Variants in DCK observed in about 807,000 individuals in gnomAD.
The protein encoded by DCK is deoxycytidine kinase, also known as deoxyadenosine kinase.
DCK carries 23 observed loss-of-function variants against 38.3 expected under a neutral mutation model. The ratio of observed to expected loss-of-function variants is 0.60; its 90% CI spans 0.43 to 0.85. DCK has a LOEUF of 0.85. DCK is among the 40% of genes least tolerant of loss of function. The pLI is 0.00. For missense variants in DCK, 259 were observed against 304.4 expected, an observed-to-expected ratio of 0.85 and a Z score of 1.11; for synonymous variants, 108 against 100.6, an observed-to-expected ratio of 1.07 and a Z score of -0.44.
At chr4:71,028,918 C>T (rs112687550) in intron 6 of DCK, among the ~76,000 whole-genome samples, 2 of 152,302 alleles carry the variant, frequency 1.3e-5, no homozygotes, top group South Asian at 2.1e-4. Flanking sequence ...CCACTATGCC[C>T]GGCTAATTTT....
intron 2 of DCK, among the ~76,000 whole-genome samples, chr4:71,008,925 A>G (rs984914366): frequency 6.6e-6 from 1 of 152,342 alleles, no homozygotes; most frequent in Non-Finnish European, 1.5e-5. Context: ...GTTTGAACAC[A>G]TGGAGATAGA....
intron 1 of DCK, among the ~76,000 whole-genome samples, chr4:70,997,730 G>A (rs1052652624): frequency 6.6e-6 from 1 of 152,136 alleles, no homozygotes; most frequent in African/African-American, 2.4e-5. Context: ...AGAACATTAT[G>A]CTAACCAGAG....
intron 2 of DCK, among the ~76,000 whole-genome samples, chr4:71,000,989 A>G (rs1739788259): frequency 6.6e-6 from 1 of 152,166 alleles, no homozygotes; most frequent in South Asian, 2.1e-4. Context: ...CCCTCTTCCT[A>G]TCTGAATCCC....
intron 1 of DCK, among the ~76,000 whole-genome samples, chr4:70,994,479 G>A (rs1389263983): frequency 6.6e-6 from 1 of 152,116 alleles, no homozygotes; most frequent in African/African-American, 2.4e-5. Flanking sequence ...GGAATCATAG[G>A]CTATATCGCC....
chr4:71,004,535 T>G (rs138035583), intron 2 of DCK, among the ~76,000 whole-genome samples: 2,002 of 152,304 alleles, frequency 0.013, 90 homozygotes, highest in Non-Finnish European at 9.5e-3. Flanking sequence ...CAGGATTGTT[T>G]AAGTCTGCTG....
Position 70,993,795 on chromosome 4 carries a change from C to T in DCK, c.-41C>T, listed in dbSNP as rs1215711352. On this transcript the variant is annotated 5_prime_UTR_variant, in exon 1 of 7. Transcript: ENST00000286648. The stretch of plus-strand genomic sequence containing the variant: ...GCGCACCCGTGGCCGCCTCCCAGCC[C>T]TCTTTGCCGGACGAGCTCTGGGCCG... 1 of 1,489,378 alleles carries T rather than the reference C, an allele frequency of 6.7e-7. No homozygotes were observed. Among genetic ancestry groups the T allele is most frequent in the Admixed American group, 1.7e-5 (1 of 57,450 alleles). 92.3% of individuals were successfully genotyped at this position (1,489,378 alleles called of 1,614,324 possible).
chr4:71,022,400 G>C lies in DCK; in HGVS notation c.241G>C (p.Val81Leu), dbSNP rs561345538. 2 of 1,546,632 alleles carry C rather than the reference G, an allele frequency of 1.3e-6. No homozygotes were observed. The highest frequency in any genetic ancestry group is 1.7e-6 in the Non-Finnish European group (2 of 1,149,786). Residue 81 changes from valine to leucine, a missense_variant, in exon 3 of 7, where the codon GTT becomes CTT. Around this residue, in one of 3 missense-constraint regions of DCK, gnomAD observed 159 missense variants for 159.0 expected, o/e 1.00. Coordinates refer to ENST00000286648, the MANE Select transcript of DCK (RefSeq NM_000788.3). The part of the protein sequence containing the change: ...LTMSQKNGGN[V>L]LQMMYEKPER... ...AATGTCTCAGAAAAATGGTGGGAAT[G>C]TTCTTCAGATGATGTATGAGAAACC...
At chr4:70,999,669 C>G (rs1457656731) in intron 2 of DCK, among the ~76,000 whole-genome samples, 1 of 152,224 alleles carries the variant, frequency 6.6e-6, no homozygotes, top group East Asian at 1.9e-4. Context: ...TTCTCCACAT[C>G]CTCTCCAGCA....
rs149874569 is a variant in DCK at position 70,997,519 on chromosome 4, A to T, written c.92-548A>T. Among the ~76,000 whole-genome samples, 30 of 152,236 alleles carry T rather than the reference A, an allele frequency of 2.0e-4. 1 individual carries two copies. Among genetic ancestry groups the T allele is most frequent in the African/African-American group, 7.0e-4 (29 of 41,552 alleles). On this transcript the variant is annotated intron_variant, in intron 1 of 6. Transcript: ENST00000286648. ...GTTTTTTCTCTGTGTGTAATTCTTT[A>T]AAGTTCTTCCAGGTTTTTCTTCTTT...
chr4:71,007,313 A>G (rs1739970666), intron 2 of DCK, among the ~76,000 whole-genome samples: 1 of 152,236 alleles, frequency 6.6e-6, no homozygotes, highest in African/African-American at 2.4e-5. Context: ...ATATATCTGT[A>G]GAAAAGTAGG....
rs529238650 is a variant in DCK at position 71,020,076 on chromosome 4, C to G, written c.208-2291C>G. Among the ~76,000 whole-genome samples, 205 of 152,370 alleles carry G rather than the reference C, an allele frequency of 1.3e-3. 2 individuals are homozygous for G. The highest frequency in any genetic ancestry group is 4.7e-3 in the African/African-American group (196 of 41,584). On this transcript the variant is annotated intron_variant, in intron 2 of 6. Coordinates refer to ENST00000286648, the MANE Select transcript of DCK (RefSeq NM_000788.3). ...GTGTTGGGATTACAGGCGTGAACCA[C>G]TGGGCCTGCCCTTGATATGCCTTTT...
chr4:71,023,846 A>T, intron 4 of DCK, 140 bp downstream of exon 4: 1 of 676,768 alleles, frequency 1.5e-6, no homozygotes, highest in Non-Finnish European at 2.3e-6. Flanking sequence ...AGAAACTTGT[A>T]ACTGTGTAGA....
rs2148919312 is a variant in DCK, at chr4:71,023,574, T to C, written c.417T>C (p.Ser139=). 6.3e-7 allele frequency: 1 copy of C among 1,595,970 alleles called. No individual in the cohort carries two copies. The highest frequency in any genetic ancestry group is 2.2e-5 in the East Asian group (1 of 44,590). The change falls in exon 4 of 7, where the codon TCT becomes TCC. Residue 139 remains serine (S), a synonymous_variant. Coordinates refer to ENST00000286648, the MANE Select transcript of DCK (RefSeq NM_000788.3). ...TCTCTTTTAGGTATATTTTTGCATC[T>C]AATTTGTATGAATCTGAATGCATGA... The part of the protein sequence containing the change: ...SVYSDRYIFA[S]NLYESECMNE...
chr4:71,011,806 C>T (rs1740096830), intron 2 of DCK, among the ~76,000 whole-genome samples: 1 of 152,190 alleles, frequency 6.6e-6, no homozygotes, highest in Non-Finnish European at 1.5e-5. Context: ...CTATTTTTCA[C>T]TTACCTTGAC....
At position 71,030,629 on chromosome 4, in the gene DCK, TTTC is replaced by T. The variant is rs1740668347; in HGVS notation, c.*1254_*1256del. 6.6e-6 allele frequency: 1 copy of T among 152,144 alleles called. No individual in the cohort carries two copies. Among genetic ancestry groups the T allele is most frequent in the South Asian group, 2.1e-4 (1 of 4,830 alleles). 9.4% of individuals were successfully genotyped at this position (152,144 alleles called of 1,614,324 possible). On this transcript the variant is annotated 3_prime_UTR_variant, in exon 7 of 7. Coordinates refer to ENST00000286648, the MANE Select transcript of DCK (RefSeq NM_000788.3). Reference sequence around the variant, plus strand: ...TATAAATTAATTTGTTAATTAAATATTTCTTAAGTATAAACCTTATGAACTACA... The same window carrying T: ...TATAAATTAATTTGTTAATTAAATATTTAAGTATAAACCTTATGAACTACA...
chr4:71,023,805 C>T (rs1030647628), intron 4 of DCK, 99 bp downstream of exon 4: 67 of 998,176 alleles, frequency 6.7e-5, no homozygotes, highest in Non-Finnish European at 8.9e-5. Flanking sequence ...TAACTCCAGC[C>T]TCCCAACCTC....
intron 2 of DCK, among the ~76,000 whole-genome samples, 195 bp from the exon 3 acceptor site, chr4:71,022,172 C>A (rs545466577): frequency 2.0e-5 from 3 of 152,276 alleles, no homozygotes; most frequent in Non-Finnish European, 4.4e-5. Context: ...TGAGAAAGAT[C>A]TAAGGATTTT....
intron 2 of DCK, among the ~76,000 whole-genome samples, chr4:71,019,252 T>G (rs1475226642): frequency 6.6e-6 from 1 of 152,230 alleles, no homozygotes; most frequent in Non-Finnish European, 1.5e-5. Flanking sequence ...TATTATTTTT[T>G]TGTTAGGTGA....
rs544291554 is a variant in DCK at position 70,996,551 on chromosome 4, A to G, written c.92-1516A>G. Reference sequence around the variant, plus strand: ...CATTTTTCGTCTCCCTGACACTGAGACTTTGTTAGTTACTGTTCATTATTG... The same window carrying G: ...CATTTTTCGTCTCCCTGACACTGAGGCTTTGTTAGTTACTGTTCATTATTG... On this transcript the variant is annotated intron_variant, in intron 1 of 6. Coordinates refer to ENST00000286648, the MANE Select transcript of DCK (RefSeq NM_000788.3). 9.9e-5 allele frequency among the ~76,000 whole-genome samples: 15 copies of G among 152,158 alleles called. No homozygotes were observed. The South Asian group carries it at 3.1e-3, about 32-fold the overall frequency.
Sources: allele counts gnomAD v4.1 joint callset (sites outside exome capture counted in the v4.1 genomes callset), GRCh38; gene constraint gnomAD v4.1.1; regional missense constraint gnomAD v4.1.1; transcripts MANE v1.5; gene names NCBI Gene and HGNC (gene_info 2026-07-23, HGNC 2026-07-21).